Variants in NEGR1 observed in about 807,000 individuals in gnomAD.
NEGR1 encodes the protein neuronal growth regulator 1.
Under a neutral mutation model 40.9 loss-of-function variants are expected in NEGR1, and 10 were observed. The ratio of observed to expected loss-of-function variants is 0.24; its 90% CI spans 0.15 to 0.42. The LOEUF is 0.42. Among genes scored for constraint, NEGR1 ranks in the 10% least tolerant of loss-of-function variants. The probability of loss-of-function intolerance (pLI) is 1.00; values close to 1 mark genes in which losing one functional copy is unlikely to be tolerated. For missense variants in NEGR1, 352 were observed against 438.9 expected (o/e 0.80, Z 1.77); for synonymous variants, 185 against 166.8 (o/e 1.11, Z -0.84).
At chr1:71,445,766 A>C (rs1401952946) in intron 6 of NEGR1, among the ~76,000 whole-genome samples, 1 of 152,236 alleles carries the variant, frequency 6.6e-6, no homozygotes, top group Non-Finnish European at 1.5e-5. Context: ...GGGAACCTGC[A>C]TGGGAGAAGG....
chr1:72,167,149 G>C (rs1651796998), intron 1 of NEGR1, among the ~76,000 whole-genome samples: 1 of 151,974 alleles, frequency 6.6e-6, no homozygotes, highest in African/African-American at 2.4e-5. Flanking sequence ...ACAAGATGCT[G>C]TTCCAAAAAT....
chr1:72,256,778 G>A (rs1570184652), intron 1 of NEGR1, among the ~76,000 whole-genome samples: 1 of 152,234 alleles, frequency 6.6e-6, no homozygotes, highest in East Asian at 1.9e-4. Context: ...TATTAAATGA[G>A]AAATAAAAAT....
chr1:71,959,353 A>G (rs1018987170), intron 1 of NEGR1, among the ~76,000 whole-genome samples: 1 of 152,190 alleles, frequency 6.6e-6, no homozygotes, highest in Non-Finnish European at 1.5e-5. Flanking sequence ...ATGGTATACC[A>G]ATATCCACCC....
chr1:71,675,740 G>A (rs1652606603), intron 4 of NEGR1, among the ~76,000 whole-genome samples: 3 of 151,914 alleles, frequency 2.0e-5, no homozygotes, highest in South Asian at 2.1e-4. Context: ...TTGTTCAAAG[G>A]GACATAATTT....
At chr1:71,947,307 C>A (rs1029165333) in intron 1 of NEGR1, among the ~76,000 whole-genome samples, 2 of 151,680 alleles carry the variant, frequency 1.3e-5, no homozygotes, top group South Asian at 2.1e-4. Context: ...GAAATAAAGT[C>A]CAGAATGAAT....
At chr1:71,902,577 T>C (rs953272705) in intron 2 of NEGR1, among the ~76,000 whole-genome samples, 1 of 152,172 alleles carries the variant, frequency 6.6e-6, no homozygotes, top group African/African-American at 2.4e-5. Context: ...TTCGGCGCCA[T>C]TTAGTATTCA....
intron 2 of NEGR1, among the ~76,000 whole-genome samples, chr1:71,883,240 C>T (rs987305435): frequency 5.3e-5 from 8 of 151,906 alleles, no homozygotes; most frequent in African/African-American, 1.9e-4. Context: ...CATAAAACTG[C>T]CACCTTAATT....
chr1:71,696,055 T>A (rs754391978), intron 4 of NEGR1, among the ~76,000 whole-genome samples: 1 of 151,766 alleles, frequency 6.6e-6, no homozygotes, highest in African/African-American at 2.4e-5. Flanking sequence ...TTGCTATGAG[T>A]AATACATTGC....
At chr1:72,280,526 A>G (rs1177521553) in intron 1 of NEGR1, among the ~76,000 whole-genome samples, 1 of 152,202 alleles carries the variant, frequency 6.6e-6, no homozygotes, top group Non-Finnish European at 1.5e-5. Context: ...TAACATAAAG[A>G]GAAAATACAG....
chr1:72,270,876 T>A (rs1392998799), intron 1 of NEGR1, among the ~76,000 whole-genome samples: 1 of 151,814 alleles, frequency 6.6e-6, no homozygotes, highest in Non-Finnish European at 1.5e-5. Flanking sequence ...TGTTTCTACT[T>A]CCAAATGTGA....
At chr1:71,971,465 T>A (rs778958265) in intron 1 of NEGR1, among the ~76,000 whole-genome samples, 2 of 152,164 alleles carry the variant, frequency 1.3e-5, no homozygotes, top group Non-Finnish European at 2.9e-5. Flanking sequence ...ATTGATTGGG[T>A]TGTCACGTGA....
At chr1:71,802,961 T>C (rs1657612575) in intron 2 of NEGR1, among the ~76,000 whole-genome samples, 1 of 152,164 alleles carries the variant, frequency 6.6e-6, no homozygotes, top group Non-Finnish European at 1.5e-5. Flanking sequence ...GGGTTAAGAC[T>C]TTTGGTGCTC....
intron 3 of NEGR1, among the ~76,000 whole-genome samples, chr1:71,756,728 C>T (rs1051073767): frequency 4.6e-5 from 7 of 151,920 alleles, no homozygotes; most frequent in Admixed American, 3.9e-4. Context: ...ACTAATACAT[C>T]GTCAGAATGA....
At chr1:72,039,688 T>C (rs948507946) in intron 1 of NEGR1, among the ~76,000 whole-genome samples, 9 of 151,890 alleles carry the variant, frequency 5.9e-5, no homozygotes, top group African/African-American at 1.9e-4. Context: ...TTCAGGAACT[T>C]GATAAGAGGA....
chr1:71,817,716 G>C (rs895400261), intron 2 of NEGR1, among the ~76,000 whole-genome samples: 1 of 152,042 alleles, frequency 6.6e-6, no homozygotes, highest in Non-Finnish European at 1.5e-5. Flanking sequence ...GGTAGAGTGT[G>C]AGGATGTAGT....
rs181004341 is a variant in NEGR1 at position 71,485,756 on chromosome 1, A to G, written c.941-78186T>C. 5.3e-5 allele frequency among the ~76,000 whole-genome samples: 8 copies of G among 151,804 alleles called. No individual in the cohort carries two copies. In the East Asian group the frequency reaches 1.6e-3, roughly 29 times the overall value. ...AATTAACCATCCTGTATGTCTTTCC[A>G]TGGCTTTATAGCATATTTCTTTTTA... is the stretch of plus-strand genomic sequence containing the variant. On this transcript the variant is annotated intron_variant, in intron 6 of 6. Coordinates refer to ENST00000357731, the MANE Select transcript of NEGR1 (RefSeq NM_173808.3).
intron 2 of NEGR1, among the ~76,000 whole-genome samples, chr1:71,835,312 T>C (rs1658988357): frequency 6.6e-6 from 1 of 151,514 alleles, no homozygotes. Context: ...AAACAGACTC[T>C]ATCTCTTATC....
chr1:71,411,851 A>G (rs996358538), intron 6 of NEGR1, among the ~76,000 whole-genome samples: 1 of 152,120 alleles, frequency 6.6e-6, no homozygotes, highest in Non-Finnish European at 1.5e-5. Flanking sequence ...AATACAAAAA[A>G]ATAGCTGGGC....
chr1:71,551,461 A>G (rs902906049), intron 6 of NEGR1, among the ~76,000 whole-genome samples: 1 of 151,674 alleles, frequency 6.6e-6, no homozygotes, highest in African/African-American at 2.4e-5. Context: ...AGGTAAATTC[A>G]GTGTGATATA....
Sources: gnomAD v4.1 joint callset for allele counts (sites outside exome capture counted in the v4.1 genomes callset) on GRCh38, gnomAD v4.1.1 for gene constraint, MANE v1.5 for transcripts, NCBI Gene and HGNC (gene_info 2026-07-23, HGNC 2026-07-21) for gene names.